Variants in PIEZO2 observed in about 807,000 individuals in gnomAD.
PIEZO2 encodes the protein piezo type mechanosensitive ion channel component 2, also known as piezo-type mechanosensitive ion channel component 2.
PIEZO2 carries 172 observed loss-of-function variants against 337.3 expected under a neutral mutation model. The observed-to-expected ratio is 0.51, with a 90% confidence interval of 0.45 to 0.58. The LOEUF is 0.58. PIEZO2 is among the 20% of genes least tolerant of loss of function. PIEZO2 has a pLI of 0.00. For synonymous variants in PIEZO2, 1,251 were observed against 1,228.5 expected (o/e 1.02, Z -0.38); for missense variants, 3,028 against 3,391.3 (o/e 0.89, Z 2.66).
intron 7 of PIEZO2, among the ~76,000 whole-genome samples, chr18:10,814,184 TG>T (rs1163863221): frequency 1.3e-5 from 2 of 152,082 alleles, no homozygotes; most frequent in Non-Finnish European, 2.9e-5. Flanking sequence ...TTAGCCAGGA[TG>T]GTCTTGATCT....
At chr18:10,998,680 A>G (rs549417305) in intron 2 of PIEZO2, among the ~76,000 whole-genome samples, 23 of 152,104 alleles carry the variant, frequency 1.5e-4, no homozygotes, top group Non-Finnish European at 3.2e-4. Flanking sequence ...ATGGCATAAT[A>G]CCAAACTATA....
At chr18:10,927,217 T>C (rs777474472) in intron 3 of PIEZO2, among the ~76,000 whole-genome samples, 4 of 152,228 alleles carry the variant, frequency 2.6e-5, no homozygotes, top group Non-Finnish European at 5.9e-5. Context: ...GTTTTGCTTT[T>C]CTTTTTCCTA....
At chr18:10,797,656 T>A in intron 11 of PIEZO2, 134 bp from the exon 12 acceptor site, 2 of 1,371,878 alleles carry the variant, frequency 1.5e-6, no homozygotes, top group South Asian at 1.6e-5. Flanking sequence ...TTCCCATTCA[T>A]AAAGCCCTTA....
chr18:11,054,316 C>T (rs1322790199), intron 2 of PIEZO2, among the ~76,000 whole-genome samples: 2 of 152,180 alleles, frequency 1.3e-5, no homozygotes, highest in Non-Finnish European at 2.9e-5. Flanking sequence ...AGCCAAATCC[C>T]ATGGCTTATG....
At chr18:11,106,519 C>T (rs942287007) in intron 1 of PIEZO2, among the ~76,000 whole-genome samples, 33 of 149,850 alleles carry the variant, frequency 2.2e-4, no homozygotes, top group Middle Eastern at 7.2e-3. Context: ...GTGATCCTCC[C>T]GCCTCAGCCT....
chr18:10,841,474 C>A (rs543994473), intron 7 of PIEZO2, among the ~76,000 whole-genome samples: 134 of 152,176 alleles, frequency 8.8e-4, no homozygotes, highest in Non-Finnish European at 1.7e-3. Flanking sequence ...TACAAGAGAT[C>A]CTCAATAAGA....
At chr18:10,734,719 C>T (rs989980365) in intron 35 of PIEZO2, among the ~76,000 whole-genome samples, 30 of 152,142 alleles carry the variant, frequency 2.0e-4, no homozygotes, top group Non-Finnish European at 3.2e-4. Flanking sequence ...TTGAGGAGCC[C>T]GCAGACTGCA....
At chr18:10,731,812 T>C in intron 35 of PIEZO2, among the ~76,000 whole-genome samples, 1 of 152,262 alleles carries the variant, frequency 6.6e-6, no homozygotes, top group Non-Finnish European at 1.5e-5. Flanking sequence ...GTGATACTTA[T>C]TACTGATGCT....
chr18:10,886,775 G>A (rs979726925), intron 4 of PIEZO2, among the ~76,000 whole-genome samples: 1 of 151,750 alleles, frequency 6.6e-6, no homozygotes, highest in African/African-American at 2.4e-5. Context: ...GGGAACTACT[G>A]TACTTTCCCC....
intron 2 of PIEZO2, among the ~76,000 whole-genome samples, chr18:10,984,344 A>G (rs2034787882): frequency 6.6e-6 from 1 of 152,022 alleles, no homozygotes; most frequent in African/African-American, 2.4e-5. Context: ...ACTAAATTAA[A>G]TTTTTAAAAA....
intron 31 of PIEZO2, among the ~76,000 whole-genome samples, chr18:10,742,972 C>T (rs1469696022): frequency 6.6e-6 from 1 of 152,118 alleles, no homozygotes; most frequent in African/African-American, 2.4e-5. Flanking sequence ...TTATGAAATA[C>T]AAGTCCTTTA....
At chr18:11,106,948 C>A (rs903702399) in intron 1 of PIEZO2, among the ~76,000 whole-genome samples, 1 of 152,134 alleles carries the variant, frequency 6.6e-6, no homozygotes, top group Admixed American at 6.5e-5. Flanking sequence ...CAGGGACTTC[C>A]CTAAGCCCTG....
chr18:10,742,753 G>T, intron 31 of PIEZO2, 138 bp from the exon 32 acceptor site: 2 of 894,414 alleles, frequency 2.2e-6, no homozygotes, highest in South Asian at 4.0e-5. Flanking sequence ...ATTGTAAAAT[G>T]GTTGCTCATT....
At chr18:11,100,580 T>A (rs2039381424) in intron 1 of PIEZO2, among the ~76,000 whole-genome samples, 1 of 151,900 alleles carries the variant, frequency 6.6e-6, no homozygotes, top group Non-Finnish European at 1.5e-5. Flanking sequence ...CATTTCAGGG[T>A]CATGCTCACC....
chr18:10,864,540 A>G (rs1299156860), intron 5 of PIEZO2, among the ~76,000 whole-genome samples: 3 of 152,270 alleles, frequency 2.0e-5, no homozygotes, highest in Non-Finnish European at 2.9e-5. Flanking sequence ...GCAAGAAAAC[A>G]AAAAATAGTT....
Position 11,132,027 on chromosome 18 carries a change from A to T in PIEZO2, c.64+16498T>A, listed in dbSNP as rs142404011. On this transcript the variant is annotated intron_variant, in intron 1 of 55. Transcript: ENST00000674853. The surrounding 1 kb of genome is among the most constrained non-coding windows in gnomAD (Gnocchi z 4.7). ...TGAGTACCCAATTTGCCAACAGCAG[A>T]GACCAATACTGAGCCCTCGATATGT... 9.8e-3 allele frequency among the ~76,000 whole-genome samples: 1,493 copies of T among 152,314 alleles called. 30 individuals carry two copies. The highest frequency in any genetic ancestry group is 0.034 in the African/African-American group (1,418 of 41,552).
At position 11,001,753 on chromosome 18, in the gene PIEZO2, C is replaced by A. The variant is rs1051714939; in HGVS notation, c.161-22093G>T. On this transcript the variant is annotated intron_variant, in intron 2 of 55. Coordinates refer to ENST00000674853, the MANE Select transcript of PIEZO2 (RefSeq NM_001378183.1). This position sits in a 1 kb window ranked among gnomAD's most constrained non-coding sequence, Gnocchi z 5.3. ...ATGGGCCATGCACAGTGGCTCACAC[C>A]TGTAACCCCAGCCACTCGGGAGGCT... Among the ~76,000 whole-genome samples, 5 of 152,056 alleles carry A rather than the reference C, an allele frequency of 3.3e-5. No homozygotes were observed. The highest frequency in any genetic ancestry group is 1.2e-4 in the African/African-American group (5 of 41,386).
chr18:10,737,802 T>C (rs1363626931), intron 33 of PIEZO2: 1 of 152,236 alleles, frequency 6.6e-6, no homozygotes, highest in Non-Finnish European at 1.5e-5. Context: ...TATTTTCAAA[T>C]TATATTCAGG....
intron 1 of PIEZO2, among the ~76,000 whole-genome samples, chr18:11,072,698 A>C (rs1218929582): frequency 6.6e-6 from 1 of 152,178 alleles, no homozygotes; most frequent in African/African-American, 2.4e-5. Flanking sequence ...GGGTACAGCT[A>C]TGTAGCCTGG....
Sources: allele counts gnomAD v4.1 joint callset (sites outside exome capture counted in the v4.1 genomes callset), GRCh38; gene constraint gnomAD v4.1.1; non-coding constraint Gnocchi (gnomAD v3.1); transcripts MANE v1.5; gene names NCBI Gene and HGNC (gene_info 2026-07-23, HGNC 2026-07-21).